CTBP1: variants seen among roughly 807,000 people sequenced by gnomAD.
CTBP1 encodes C-terminal-binding protein 1.
In CTBP1, 11 loss-of-function variants were observed where a neutral mutation model predicts 42.1. The observed-to-expected ratio is 0.26, with a 90% confidence interval of 0.16 to 0.43. The LOEUF (loss-of-function observed/expected upper bound fraction) is 0.43, where lower values mean the gene tolerates loss of function less well. Ranked by LOEUF, CTBP1 falls within the 20% of genes least tolerant of loss-of-function variation. CTBP1 has a pLI of 1.00. For synonymous variants in CTBP1, 324 were observed against 277.1 expected, an observed-to-expected ratio of 1.17 and a Z score of -1.68; for missense variants, 399 against 624.3, an observed-to-expected ratio of 0.64 and a Z score of 3.85.
chr4:1,246,178 A>G (rs1360464215), intron 1 of CTBP1, among the ~76,000 whole-genome samples: 1 of 152,124 alleles, frequency 6.6e-6, no homozygotes, highest in African/African-American at 2.4e-5. Flanking sequence ...CGGCCACTGC[A>G]GCTGACAATG....
At position 1,233,792 on chromosome 4, in the gene CTBP1, G is replaced by A. The variant is rs938064359; in HGVS notation, c.162+4391C>T. ...TCTCCCTCCACGGCACTCAGACGGC[G>A]GCGACCTCCAACCAGCTATGCGGGA... On this transcript the variant is annotated intron_variant, in intron 3 of 9. Coordinates refer to ENST00000382952, the MANE Select transcript of CTBP1 (RefSeq NM_001012614.2). This position sits in a 1 kb window ranked among gnomAD's most constrained non-coding sequence, Gnocchi z 4.6. 4.6e-5 allele frequency among the ~76,000 whole-genome samples: 7 copies of A among 152,308 alleles called. No individual in the cohort carries two copies. Among genetic ancestry groups the A allele is most frequent in the South Asian group, 2.1e-4 (1 of 4,832 alleles).
At chr4:1,224,519 T>C (rs1730109888) in intron 5 of CTBP1, among the ~76,000 whole-genome samples, 3 of 150,802 alleles carry the variant, frequency 2.0e-5, no homozygotes, top group Admixed American at 6.6e-5. Context: ...CCACGTGTGC[T>C]GTGGCGTGTG....
At chr4:1,228,483 G>A (rs1730619579) in intron 3 of CTBP1, 140 bp from the exon 4 acceptor site, 2 of 1,079,808 alleles carry the variant, frequency 1.9e-6, no homozygotes, top group Non-Finnish European at 1.3e-6. Context: ...GACACTGGGA[G>A]AGGCTACATG....
At chr4:1,225,147 T>A (rs1730189758) in intron 5 of CTBP1, among the ~76,000 whole-genome samples, 1 of 152,076 alleles carries the variant, frequency 6.6e-6, no homozygotes, top group East Asian at 1.9e-4. Flanking sequence ...TGTGCCTGTG[T>A]GAGACCCACG....
intron 1 of CTBP1, chr4:1,242,194 G>A: frequency 1.0e-6 from 1 of 985,462 alleles, no homozygotes; most frequent in East Asian, 1.1e-4. Flanking sequence ...ATGCACAGGG[G>A]CAGGGGGCCC....
intron 1 of CTBP1, chr4:1,243,278 G>A (rs1408914038): frequency 3.0e-6 from 3 of 985,306 alleles, no homozygotes; most frequent in East Asian, 1.1e-4. Context: ...GCAGATGTGT[G>A]AAGGCCACCC....
upstream of CTBP1, chr4:1,249,709 C>A: frequency 2.5e-6 from 1 of 405,628 alleles, no homozygotes; most frequent in Non-Finnish European, 5.0e-6. Context: ...CCCAGTGCGT[C>A]CCCAGGCGGG....
intron 6 of CTBP1, chr4:1,215,745 G>A: frequency 1.8e-6 from 1 of 560,244 alleles, no homozygotes; most frequent in East Asian, 3.0e-5. Context: ...GGAATTTGGT[G>A]TTCAAAGGTA....
At chr4:1,244,772 G>A (rs1248596793) in intron 1 of CTBP1, 10 of 985,304 alleles carry the variant, frequency 1.0e-5, no homozygotes, top group Non-Finnish European at 1.1e-5. Context: ...CTGCCCTGCC[G>A]TGAGTCCCCG....
At chr4:1,218,456 G>A (rs1027650913) in intron 5 of CTBP1, 2 of 151,882 alleles carry the variant, frequency 1.3e-5, no homozygotes, top group Non-Finnish European at 2.9e-5. Context: ...AAAAGGAATC[G>A]GTCACTGGTG....
rs1320671105 is a variant in CTBP1, at chr4:1,249,128, G to GGCGGGGACACGGCGGCGCGC, written c.-402_-401insGCGCGCCGCCGTGTCCCCGC. On this transcript the variant is annotated 5_prime_UTR_variant, in exon 1 of 10. Transcript: ENST00000382952. ...TGAGCCGCGCTCCGACGACCGCGCG[G>GGCGGGGACACGGCGGCGCGC]GCGGGGACACGGCGGCGCGCGCGGG... The GGCGGGGACACGGCGGCGCGC allele has an allele frequency of 6.2e-6, 1 of 161,290 alleles. No individual in the cohort carries two copies. Among genetic ancestry groups the GGCGGGGACACGGCGGCGCGC allele is most frequent in the Non-Finnish European group, 1.2e-5 (1 of 80,366 alleles). 10.0% of individuals were successfully genotyped at this position (161,290 alleles called of 1,614,324 possible).
chr4:1,225,602 C>A, intron 4 of CTBP1, 36 bp from the exon 5 acceptor site: 1 of 1,522,016 alleles, frequency 6.6e-7, no homozygotes, highest in Non-Finnish European at 8.8e-7. Context: ...ACCCCCGGGC[C>A]GGGCCCAGCC....
chr4:1,216,639 C>T (rs1440915870), intron 5 of CTBP1: 6 of 242,178 alleles, frequency 2.5e-5, no homozygotes, highest in South Asian at 5.6e-5. Flanking sequence ...GCCACCACTA[C>T]GTGGAGACGG....
rs1732662725 is a variant in CTBP1, at chr4:1,245,807, C to T, written c.-189+3109G>A. Among the ~76,000 whole-genome samples the T allele has an allele frequency of 2.6e-5, 4 of 152,090 alleles. No homozygotes were observed. In the South Asian group the frequency reaches 8.3e-4, roughly 32 times the overall value. On this transcript the variant is annotated intron_variant, in intron 1 of 9. Transcript: ENST00000382952. ...AGGCCTGGAGAGTTAACGGCGGTGC[C>T]AGGGGAGGGTGCAGAAGGGGCCTGG...
rs1488037296 is a variant in CTBP1, at chr4:1,235,230, C to T, written c.162+2953G>A. ...ACGTGCAGGTCTGTGTGTGGACGCGCATTCCGAGTCTCCGGGATAAAGGAG... is the reference window on the plus strand; with the variant it reads ...ACGTGCAGGTCTGTGTGTGGACGCGTATTCCGAGTCTCCGGGATAAAGGAG... On this transcript the variant is annotated intron_variant, in intron 3 of 9. Transcript: ENST00000382952. The surrounding 1 kb of genome is among the most constrained non-coding windows in gnomAD (Gnocchi z 4.2). The T allele has an allele frequency of 6.6e-6, 1 of 152,172 alleles. No individual in the cohort carries two copies. Among genetic ancestry groups the T allele is most frequent in the African/African-American group, 2.4e-5 (1 of 41,414 alleles). The allele number at this position is 152,172 out of a possible 1,614,324, so 9.4% of individuals were successfully genotyped here.
rs1280514658 is a variant in CTBP1, at chr4:1,233,382, C to T, written c.162+4801G>A. Among the ~76,000 whole-genome samples the T allele has an allele frequency of 6.6e-6, 1 of 152,218 alleles. No homozygotes were observed. The highest frequency in any genetic ancestry group is 1.5e-5 in the Non-Finnish European group (1 of 68,028). On this transcript the variant is annotated intron_variant, in intron 3 of 9. Transcript: ENST00000382952. The surrounding 1 kb of genome is among the most constrained non-coding windows in gnomAD (Gnocchi z 4.6). Reference sequence around the variant, plus strand: ...AGCTTTCTGGTGGCCTCCCCACCCCCAAGGCGTGGAGATGCTTGTCTTGCA... The same window carrying T: ...AGCTTTCTGGTGGCCTCCCCACCCCTAAGGCGTGGAGATGCTTGTCTTGCA...
At position 1,216,150 on chromosome 4, in the gene CTBP1, G is replaced by A. The variant is rs372599555; in HGVS notation, c.570C>T (p.Leu190=). Residue 190 remains leucine (L), a synonymous_variant, in exon 6 of 10, where the codon CTC becomes CTT. Transcript: ENST00000382952. Reference sequence around the variant, plus strand: ...CATCCGACAAGTAAGGGTCGTAGAAGAGCACGTTGAAGCCGAAGGCCTTGG... The same window carrying A: ...CATCCGACAAGTAAGGGTCGTAGAAAAGCACGTTGAAGCCGAAGGCCTTGG... ...LRAKAFGFNV[L]FYDPYLSDGV... 45 of 1,611,028 alleles carry A rather than the reference G, an allele frequency of 2.8e-5. No individual in the cohort carries two copies. Among genetic ancestry groups the A allele is most frequent in the Non-Finnish European group, 3.4e-5 (40 of 1,179,870 alleles).
Position 1,212,059 on chromosome 4 carries a change from G to T in CTBP1, c.*181C>A, listed in dbSNP as rs1005544211. 3 of 442,644 alleles carry T rather than the reference G, an allele frequency of 6.8e-6. No individual in the cohort carries two copies. Among genetic ancestry groups the T allele is most frequent in the Non-Finnish European group, 7.9e-6 (2 of 254,392 alleles). The allele number at this position is 442,644 out of a possible 1,614,324, so 27.4% of individuals were successfully genotyped here. ...GAACGCGAAGGACACAGGGCAGAGC[G>T]CCCACAGGACGGACGACGACAAGCG... On this transcript the variant is annotated 3_prime_UTR_variant, in exon 10 of 10. Transcript: ENST00000382952.
chr4:1,238,240 C>T lies in CTBP1; in HGVS notation c.105G>A (p.Lys35=), dbSNP rs777320433. 3 of 1,612,788 alleles carry T rather than the reference C, an allele frequency of 1.9e-6. No homozygotes were observed. In the Admixed American group the frequency reaches 5.0e-5, roughly 27 times the overall value. ...RDCTVEMPIL[K]DVATVAFCDA... is the part of the protein sequence containing the mutation. ...CGCAGAAGGCCACAGTGGCCACGTC[C>T]TTCAGGATGGGCATCTCCACTGTGC... The change falls in exon 3 of 10, where the codon AAG becomes AAA. Residue 35 remains lysine, a synonymous_variant. Coordinates refer to ENST00000382952, the MANE Select transcript of CTBP1 (RefSeq NM_001012614.2). This position sits in a 1 kb window ranked among gnomAD's most constrained non-coding sequence, Gnocchi z 5.9.
Sources: allele counts gnomAD v4.1 joint callset (sites outside exome capture counted in the v4.1 genomes callset), GRCh38; gene constraint gnomAD v4.1.1; non-coding constraint Gnocchi (gnomAD v3.1); transcripts MANE v1.5; gene names NCBI Gene and HGNC (gene_info 2026-07-23, HGNC 2026-07-21).